The following PSMA8 variants were observed in gnomAD, a reference collection of about 807,000 sequenced individuals.
The protein encoded by PSMA8 is proteasome 20S subunit alpha 8, also known as proteasome subunit alpha-type 8.
A neutral mutation model predicts 32.4 loss-of-function variants in PSMA8; 18 were observed. The ratio of observed to expected loss-of-function variants is 0.56; its 90% CI spans 0.38 to 0.82. The LOEUF is 0.82. Among genes scored for constraint, PSMA8 ranks in the 40% least tolerant of loss-of-function variants. The probability of loss-of-function intolerance (pLI) is 0.00; values close to 1 mark genes in which losing one functional copy is unlikely to be tolerated. For synonymous variants in PSMA8, 104 were observed against 98.1 expected, an observed-to-expected ratio of 1.06 and a Z score of -0.36; for missense variants, 298 against 300.7, an observed-to-expected ratio of 0.99 and a Z score of 0.07.
chr18:26,147,375 C>T (rs2055012578), intron 2 of PSMA8, among the ~76,000 whole-genome samples: 1 of 151,576 alleles, frequency 6.6e-6, no homozygotes, highest in Non-Finnish European at 1.5e-5. Flanking sequence ...TGAAAAAAAT[C>T]ACAAGGGAAA....
chr18:26,192,172 G>C, intron 6 of PSMA8, 147 bp from the exon 7 acceptor site: 1 of 691,936 alleles, frequency 1.4e-6, no homozygotes, highest in Non-Finnish European at 2.0e-6. Context: ...TAGACCTCTT[G>C]AAATGCTTCA....
At position 26,156,627 on chromosome 18, in the gene PSMA8, G is replaced by A. The variant is rs151022877; in HGVS notation, c.355-1495G>A. The stretch of plus-strand genomic sequence containing the variant: ...AAAAAGTTGTGTTTGTAGAAATAGA[G>A]AATAGCATACTGTGTGTGTATATAT... On this transcript the variant is annotated intron_variant, in intron 3 of 6. Transcript: ENST00000415576. 4.0e-3 allele frequency among the ~76,000 whole-genome samples: 595 copies of A among 149,778 alleles called. 4 individuals carry two copies. Among genetic ancestry groups the A allele is most frequent in the African/African-American group, 0.01 (411 of 40,982 alleles).
rs112288046 is a variant in PSMA8 at position 26,154,246 on chromosome 18, A to G, written c.354+2264A>G. Among the ~76,000 whole-genome samples, 34 of 152,318 alleles carry G rather than the reference A, an allele frequency of 2.2e-4. 2 individuals carry two copies. Among genetic ancestry groups the G allele is most frequent in the African/African-American group, 7.9e-4 (33 of 41,586 alleles). On this transcript the variant is annotated intron_variant, in intron 3 of 6. Coordinates refer to ENST00000415576, the MANE Select transcript of PSMA8 (RefSeq NM_001025096.2). ...TATAGAGATTTTTAATAAACTAATT[A>G]TGTATCCTATATATGTAAGTTTTAA...
chr18:26,144,781 ATGTGGAG>A, intron 2 of PSMA8, 96 bp downstream of exon 2: 1 of 1,189,626 alleles, frequency 8.4e-7, no homozygotes, highest in Non-Finnish European at 1.2e-6. Flanking sequence ...TTTATAAAAC[ATGTGGAG>A]TTGTTCTACA....
At chr18:26,163,663 G>T (rs2055156619) in intron 4 of PSMA8, among the ~76,000 whole-genome samples, 1 of 152,188 alleles carries the variant, frequency 6.6e-6, no homozygotes, top group South Asian at 2.1e-4. Context: ...TAGGGGGCTA[G>T]ATCTTGTGGG....
Position 26,184,557 on chromosome 18 carries a change from G to A in PSMA8, c.660+5427G>A, listed in dbSNP as rs538515740. Among the ~76,000 whole-genome samples the A allele has an allele frequency of 2.0e-5, 3 of 149,970 alleles. No individual in the cohort carries two copies. The East Asian group carries it at 6.0e-4, about 30-fold the overall frequency. On this transcript the variant is annotated intron_variant, in intron 6 of 6. Transcript: ENST00000415576. ...GGAGGCTGAGGCGGGTGGATCACCT[G>A]AGGTCAGGGGTTCGAGACCAGCCTG... is the stretch of plus-strand genomic sequence containing the variant.
chr18:26,143,742 G>C (rs2054978407), intron 1 of PSMA8, among the ~76,000 whole-genome samples: 1 of 150,626 alleles, frequency 6.6e-6, no homozygotes, highest in Admixed American at 6.6e-5. Context: ...TTTTTTTTGA[G>C]CTTGAGTCTC....
intron 3 of PSMA8, among the ~76,000 whole-genome samples, chr18:26,157,577 C>T (rs2144305368): frequency 6.6e-6 from 1 of 152,144 alleles, no homozygotes; most frequent in African/African-American, 2.4e-5. Flanking sequence ...AAACAGCATG[C>T]TCTTCTTCAG....
At chr18:26,158,486 A>G (rs1004031837) in intron 4 of PSMA8, among the ~76,000 whole-genome samples, 4 of 152,236 alleles carry the variant, frequency 2.6e-5, no homozygotes, top group Non-Finnish European at 5.9e-5. Context: ...TGGCCAAGTA[A>G]GAGAAATATC....
intron 4 of PSMA8, among the ~76,000 whole-genome samples, 180 bp from the exon 5 acceptor site, chr18:26,178,650 T>C (rs140992508): frequency 6.6e-6 from 1 of 152,322 alleles, no homozygotes; most frequent in Non-Finnish European, 1.5e-5. Flanking sequence ...CATTACAGAC[T>C]ATTCTGATAG....
rs116401809 is a variant in PSMA8 at position 26,184,723 on chromosome 18, G to A, written c.660+5593G>A. 5.0e-3 allele frequency among the ~76,000 whole-genome samples: 724 copies of A among 145,282 alleles called. 33 individuals are homozygous for A. The highest frequency in any genetic ancestry group is 0.018 in the African/African-American group (688 of 38,700). On this transcript the variant is annotated intron_variant, in intron 6 of 6. Transcript: ENST00000415576. Reference sequence around the variant, plus strand: ...CAGGAAGCAAAGGTTGCGATGTGTCGAGATAGCGCCACTGCACTCCAGCAT... The same window carrying A: ...CAGGAAGCAAAGGTTGCGATGTGTCAAGATAGCGCCACTGCACTCCAGCAT...
chr18:26,148,324 A>C (rs574461755), intron 2 of PSMA8, among the ~76,000 whole-genome samples: 17 of 152,192 alleles, frequency 1.1e-4, no homozygotes, highest in African/African-American at 4.1e-4. Context: ...ATCATGACCA[A>C]TTTGGATCTA....
intron 6 of PSMA8, among the ~76,000 whole-genome samples, chr18:26,186,773 C>A (rs1387808899): frequency 1.3e-5 from 2 of 152,164 alleles, no homozygotes; most frequent in Non-Finnish European, 2.9e-5. Flanking sequence ...TATAAAAACT[C>A]TTCTGCTGTA....
intron 4 of PSMA8, among the ~76,000 whole-genome samples, chr18:26,168,655 G>A (rs1384556475): frequency 2.3e-5 from 3 of 129,130 alleles, no homozygotes; most frequent in South Asian, 2.2e-4. Flanking sequence ...TGAGCCTCCC[G>A]AGTAGCTGGG....
chr18:26,154,870 C>T (rs2055075477), intron 3 of PSMA8, among the ~76,000 whole-genome samples: 1 of 152,170 alleles, frequency 6.6e-6, no homozygotes, highest in Non-Finnish European at 1.5e-5. Flanking sequence ...CCGCCTCAGC[C>T]TTCCGAAGTG....
chr18:26,179,039 A>ATTC lies in PSMA8; in HGVS notation c.598-27_598-25dup, dbSNP rs539295203. 155 of 1,608,892 alleles carry ATTC rather than the reference A, an allele frequency of 9.6e-5. 1 individual carries two copies. The East Asian group carries it at 2.4e-3, about 25-fold the overall frequency. On this transcript the variant is annotated intron_variant, in intron 5 of 6. Coordinates refer to ENST00000415576, the MANE Select transcript of PSMA8 (RefSeq NM_001025096.2). ...ATTAAACACAAAATTTGCTGAAATA[A>ATTC]TTCTAATAGTGTACTTGTTCTACAT...
chr18:26,161,925 G>A (rs1441484003), intron 4 of PSMA8, among the ~76,000 whole-genome samples: 1 of 152,120 alleles, frequency 6.6e-6, no homozygotes, highest in Non-Finnish European at 1.5e-5. Context: ...AGGTTGCCAT[G>A]AAGCTCTGCC....
chr18:26,177,339 G>A (rs149891939), intron 4 of PSMA8, among the ~76,000 whole-genome samples: 29 of 152,292 alleles, frequency 1.9e-4, no homozygotes, highest in African/African-American at 5.1e-4. Flanking sequence ...TCACAACAGA[G>A]GATTAGCTGG....
intron 1 of PSMA8, among the ~76,000 whole-genome samples, chr18:26,142,555 T>G (rs986189466): frequency 6.6e-6 from 1 of 152,202 alleles, no homozygotes; most frequent in Non-Finnish European, 1.5e-5. Context: ...TAAGGACATT[T>G]GGTCTTTCTC....
Sources: allele counts gnomAD v4.1 joint callset (sites outside exome capture counted in the v4.1 genomes callset), GRCh38; gene constraint gnomAD v4.1.1; transcripts MANE v1.5; gene names NCBI Gene and HGNC (gene_info 2026-07-23, HGNC 2026-07-21).